The following SPATA16 variants were observed in gnomAD, a reference collection of about 807,000 sequenced individuals.
SPATA16 encodes the protein spermatogenesis associated 16, also known as spermatogenesis-associated protein 16.
A neutral mutation model predicts 63.3 loss-of-function variants in SPATA16; 36 were observed. That is an observed-to-expected ratio of 0.57 (90% CI 0.44 to 0.75). The LOEUF (loss-of-function observed/expected upper bound fraction) is 0.75, where lower values mean the gene tolerates loss of function less well. SPATA16 is among the 30% of genes least tolerant of loss of function. The pLI, the probability that SPATA16 is intolerant of heterozygous loss-of-function variation, is 0.00. For synonymous variants in SPATA16, 203 were observed against 216.7 expected, an observed-to-expected ratio of 0.94 and a Z score of 0.56; for missense variants, 646 against 679.3, an observed-to-expected ratio of 0.95 and a Z score of 0.54.
intron 2 of SPATA16, among the ~76,000 whole-genome samples, chr3:173,086,286 C>A (rs1737050763): frequency 6.6e-6 from 1 of 152,030 alleles, no homozygotes; most frequent in Non-Finnish European, 1.5e-5. Flanking sequence ...AGGAATTTAT[C>A]CATTTCTTCT....
intron 4 of SPATA16, among the ~76,000 whole-genome samples, chr3:173,010,418 A>G (rs188056761): frequency 1.1e-4 from 16 of 141,802 alleles, no homozygotes; most frequent in African/African-American, 3.5e-4. Flanking sequence ...CGGCCTGACC[A>G]CTCTGGCACG....
chr3:173,102,309 G>C (rs951789058), intron 2 of SPATA16, among the ~76,000 whole-genome samples: 1 of 152,156 alleles, frequency 6.6e-6, no homozygotes, highest in Non-Finnish European at 1.5e-5. Flanking sequence ...AAATATTATT[G>C]TGTTAGGTCA....
At chr3:173,062,932 C>T (rs1196924770) in intron 2 of SPATA16, among the ~76,000 whole-genome samples, 2 of 152,182 alleles carry the variant, frequency 1.3e-5, no homozygotes, top group Admixed American at 1.3e-4. Flanking sequence ...CTAATGCCCC[C>T]GCTGATCTGA....
chr3:173,065,962 C>T (rs532740304), intron 2 of SPATA16, among the ~76,000 whole-genome samples: 1 of 152,252 alleles, frequency 6.6e-6, no homozygotes, highest in South Asian at 2.1e-4. Flanking sequence ...TGCACTGATC[C>T]CAGAGGCAGT....
intron 4 of SPATA16, among the ~76,000 whole-genome samples, chr3:172,999,059 A>G (rs992209946): frequency 6.6e-6 from 1 of 152,050 alleles, no homozygotes; most frequent in Non-Finnish European, 1.5e-5. Flanking sequence ...TCATAGAATG[A>G]GTTTGGAAGT....
intron 10 of SPATA16, among the ~76,000 whole-genome samples, chr3:172,912,489 G>A (rs1732390829): frequency 6.6e-6 from 1 of 151,868 alleles, no homozygotes; most frequent in Non-Finnish European, 1.5e-5. Flanking sequence ...GAGCAACATG[G>A]GTTTGAAATG....
chr3:172,985,017 G>T (rs1172197697), intron 4 of SPATA16, among the ~76,000 whole-genome samples: 1 of 152,104 alleles, frequency 6.6e-6, no homozygotes, highest in African/African-American at 2.4e-5. Context: ...TATATGGGAC[G>T]CCTGAGGCTA....
At chr3:173,090,892 T>C (rs1022237408) in intron 2 of SPATA16, among the ~76,000 whole-genome samples, 1 of 152,196 alleles carries the variant, frequency 6.6e-6, no homozygotes, top group Non-Finnish European at 1.5e-5. Flanking sequence ...TCACTACACA[T>C]GTAGAGTATA....
intron 10 of SPATA16, among the ~76,000 whole-genome samples, chr3:172,895,651 A>C (rs956074276): frequency 4.6e-5 from 7 of 152,100 alleles, no homozygotes; most frequent in African/African-American, 1.7e-4. Context: ...CTTCATTTAT[A>C]TAATTTTGTT....
intron 2 of SPATA16, among the ~76,000 whole-genome samples, chr3:173,079,894 T>C (rs555191210): frequency 3.9e-4 from 60 of 152,178 alleles, no homozygotes; most frequent in African/African-American, 1.4e-3. Flanking sequence ...TTAGTGAGGA[T>C]ATGTAAAGGA....
intron 2 of SPATA16, among the ~76,000 whole-genome samples, chr3:173,090,447 C>T (rs1379989431): frequency 6.6e-6 from 1 of 152,148 alleles, no homozygotes; most frequent in African/African-American, 2.4e-5. Flanking sequence ...TTCTTTACAG[C>T]AATGCAAGAA....
chr3:173,071,012 T>G lies in SPATA16; in HGVS notation c.613-21918A>C, dbSNP rs141803117. On this transcript the variant is annotated intron_variant, in intron 2 of 10. Coordinates refer to ENST00000351008, the MANE Select transcript of SPATA16 (RefSeq NM_031955.6). The stretch of plus-strand genomic sequence containing the variant: ...AGACCCAGAATAGCCAAAGCTATCC[T>G]GAGAAAAAACAATAAAGCTGGAGAC... 6.2e-3 allele frequency among the ~76,000 whole-genome samples: 943 copies of G among 152,250 alleles called. 9 individuals are homozygous for G. The highest frequency in any genetic ancestry group is 0.022 in the African/African-American group (901 of 41,554).
intron 3 of SPATA16, among the ~76,000 whole-genome samples, chr3:173,039,623 A>AC (rs1735792854): frequency 6.6e-6 from 1 of 152,118 alleles, no homozygotes; most frequent in Non-Finnish European, 1.5e-5. Flanking sequence ...GTGGCCACCG[A>AC]CCTCAGGGAT....
In SPATA16 at chr3:172,924,186, TATAAA is replaced by T. The variant is rs774533835; in HGVS notation, c.1338+17_1338+21del. Reference sequence around the variant, plus strand: ...CTCTAATATTTGTACATTGGACAAATATAAAAGACTCATATACCTACATTCAATTG... The same window carrying T: ...CTCTAATATTTGTACATTGGACAAATAGACTCATATACCTACATTCAATTG... On this transcript the variant is annotated intron_variant, in intron 8 of 10. Transcript: ENST00000351008. 1 of 1,542,318 alleles carries T rather than the reference TATAAA, an allele frequency of 6.5e-7. No homozygotes were observed.
intron 2 of SPATA16, among the ~76,000 whole-genome samples, chr3:173,099,620 TC>T (rs1737443166): frequency 6.6e-6 from 1 of 152,292 alleles, no homozygotes. Context: ...GAGCCATTAC[TC>T]TATACAATTT....
intron 4 of SPATA16, among the ~76,000 whole-genome samples, chr3:173,007,120 G>A (rs1191219459): frequency 1.1e-4 from 16 of 152,116 alleles, no homozygotes; most frequent in Non-Finnish European, 1.5e-5. Flanking sequence ...TAAAACAAAA[G>A]CAATTGTAAT....
intron 8 of SPATA16, among the ~76,000 whole-genome samples, chr3:172,922,195 A>G (rs984227194): frequency 1.6e-4 from 24 of 152,098 alleles, no homozygotes; most frequent in African/African-American, 5.3e-4. Context: ...TGATATTTAG[A>G]TATATTTGTG....
chr3:172,933,672 C>T (rs1028088225), intron 6 of SPATA16, among the ~76,000 whole-genome samples: 1 of 152,188 alleles, frequency 6.6e-6, no homozygotes, highest in African/African-American at 2.4e-5. Context: ...TCAAGCTATG[C>T]TTAAAAGCAG....
At chr3:172,961,033 TTTCTTTCTTTCTTTC>T (rs1209384926) in intron 5 of SPATA16, among the ~76,000 whole-genome samples, 26 of 94,966 alleles carry the variant, frequency 2.7e-4, no homozygotes, top group African/African-American at 8.9e-4. Context: ...TCTTTCTCTC[TTTCTTTCTTTCTTTC>T]TTCTTTCTTT....
Sources: gnomAD v4.1 joint callset for allele counts (sites outside exome capture counted in the v4.1 genomes callset) on GRCh38, gnomAD v4.1.1 for gene constraint, MANE v1.5 for transcripts, NCBI Gene and HGNC (gene_info 2026-07-23, HGNC 2026-07-21) for gene names.